CREB5: variants seen among roughly 807,000 people sequenced by gnomAD.
CREB5 encodes the protein cyclic AMP-responsive element-binding protein 5.
A neutral mutation model predicts 57.1 loss-of-function variants in CREB5; 19 were observed. That is an observed-to-expected ratio of 0.33 (90% CI 0.23 to 0.49). The LOEUF is 0.49. CREB5 is among the 20% of genes least tolerant of loss of function. The pLI is 0.99. For missense variants in CREB5, 579 were observed against 671.6 expected, an observed-to-expected ratio of 0.86 and a Z score of 1.52; for synonymous variants, 238 against 238.3, an observed-to-expected ratio of 1.00 and a Z score of 0.01.
At chr7:28,748,692 CAGAT>C (rs58837471) in intron 7 of CREB5, among the ~76,000 whole-genome samples, 6,064 of 152,244 alleles carry the variant, frequency 0.04, 173 homozygotes, top group Middle Eastern at 0.068. Flanking sequence ...AGCCTCTACT[CAGAT>C]AGATTTGAGT....
At chr7:28,478,735 A>G (rs1177644684) in intron 1 of CREB5, among the ~76,000 whole-genome samples, 1 of 152,202 alleles carries the variant, frequency 6.6e-6, no homozygotes, top group African/African-American at 2.4e-5. Context: ...TTGAGTCAAC[A>G]CTGCTGTAGA....
chr7:28,492,791 G>C (rs1438162057), intron 2 of CREB5, among the ~76,000 whole-genome samples: 1 of 149,844 alleles, frequency 6.7e-6, no homozygotes, highest in Non-Finnish European at 1.5e-5. Flanking sequence ...GTATATTTGT[G>C]TTATATACGC....
intron 1 of CREB5, among the ~76,000 whole-genome samples, chr7:28,393,525 A>C (rs61055914): frequency 0.058 from 8,905 of 152,224 alleles, 808 homozygotes; most frequent in African/African-American, 0.19. Flanking sequence ...TTGTGGTGAA[A>C]ATTCAGGTCA....
intron 1 of CREB5, among the ~76,000 whole-genome samples, chr7:28,364,289 G>A (rs1786546084): frequency 6.6e-6 from 1 of 152,202 alleles, no homozygotes; most frequent in South Asian, 2.1e-4. Context: ...CCCTGGTGGT[G>A]ACATACCCAA....
chr7:28,517,793 A>C (rs1368143635), intron 4 of CREB5, among the ~76,000 whole-genome samples: 1 of 150,894 alleles, frequency 6.6e-6, no homozygotes, highest in Non-Finnish European at 1.5e-5. Flanking sequence ...GCTATTGTTC[A>C]GTTTGTTAGA....
intron 1 of CREB5, among the ~76,000 whole-genome samples, chr7:28,423,532 A>G (rs984995696): frequency 6.6e-6 from 1 of 152,146 alleles, no homozygotes; most frequent in Non-Finnish European, 1.5e-5. Flanking sequence ...AGGCAAGAGC[A>G]GTATGACTTG....
chr7:28,450,773 A>T (rs1041077575), intron 1 of CREB5, among the ~76,000 whole-genome samples: 1 of 152,330 alleles, frequency 6.6e-6, no homozygotes, highest in East Asian at 1.9e-4. Context: ...GGATTATAAC[A>T]TATATTCTCT....
intron 1 of CREB5, among the ~76,000 whole-genome samples, chr7:28,324,101 C>T (rs960856339): frequency 3.9e-5 from 6 of 152,186 alleles, no homozygotes; most frequent in Admixed American, 2.0e-4. Context: ...GCTCACCTCA[C>T]GCTGTGCGGT....
intron 1 of CREB5, among the ~76,000 whole-genome samples, chr7:28,335,323 A>G (rs1583685250): frequency 6.6e-6 from 1 of 152,270 alleles, no homozygotes; most frequent in African/African-American, 2.4e-5. Context: ...CTTCCAACAC[A>G]TGAACATGAA....
chr7:28,665,418 T>C (rs1448679566), intron 5 of CREB5, among the ~76,000 whole-genome samples: 1 of 152,184 alleles, frequency 6.6e-6, no homozygotes, highest in African/African-American at 2.4e-5. Context: ...AAATTGCTAA[T>C]AAAACATAAA....
intron 4 of CREB5, among the ~76,000 whole-genome samples, chr7:28,549,709 T>A (rs539250603): frequency 1.3e-5 from 2 of 152,330 alleles, no homozygotes; most frequent in South Asian, 4.1e-4. Flanking sequence ...GTTTTTTTTT[T>A]AACATCCTGT....
upstream of CREB5, chr7:28,409,289 G>T (rs1787668346): frequency 6.6e-6 from 1 of 152,402 alleles, no homozygotes; most frequent in African/African-American, 2.4e-5. This position sits in a 1 kb window ranked among gnomAD's most constrained non-coding sequence, Gnocchi z 4.4. Flanking sequence ...CAATGATTTA[G>T]AAGTTCAGGA....
At chr7:28,729,158 G>T (rs1247243997) in intron 7 of CREB5, among the ~76,000 whole-genome samples, 2 of 152,122 alleles carry the variant, frequency 1.3e-5, no homozygotes, top group African/African-American at 4.8e-5. Context: ...GAAAGACAAG[G>T]CATCTTAGAA....
intron 1 of CREB5, among the ~76,000 whole-genome samples, chr7:28,359,957 A>G (rs1197675796): frequency 1.3e-5 from 2 of 152,256 alleles, no homozygotes; most frequent in Non-Finnish European, 2.9e-5. Flanking sequence ...CAAATAGCCA[A>G]CAGATATATG....
chr7:28,515,534 G>C (rs564601945), intron 4 of CREB5, among the ~76,000 whole-genome samples: 1 of 152,014 alleles, frequency 6.6e-6, no homozygotes, highest in African/African-American at 2.4e-5. Context: ...TCAACATGCC[G>C]GAAACCATAC....
intron 1 of CREB5, among the ~76,000 whole-genome samples, chr7:28,401,604 A>G (rs1427166309): frequency 1.3e-5 from 2 of 151,842 alleles, no homozygotes; most frequent in Non-Finnish European, 1.5e-5. Flanking sequence ...GATGTTCCCC[A>G]TCCTGTGTCC....
chr7:28,638,026 C>T (rs1041000214), intron 5 of CREB5, among the ~76,000 whole-genome samples: 3 of 152,042 alleles, frequency 2.0e-5, no homozygotes, highest in East Asian at 3.9e-4. Context: ...TCATTAGCCT[C>T]GTTAGCTACA....
At chr7:28,671,360 GCTTT>G (rs1423018126) in intron 5 of CREB5, among the ~76,000 whole-genome samples, 1 of 151,984 alleles carries the variant, frequency 6.6e-6, no homozygotes, top group East Asian at 1.9e-4. Context: ...TACGTTTCCT[GCTTT>G]CTATGATCTC....
chr7:28,432,163 C>T (rs146738351), intron 1 of CREB5, among the ~76,000 whole-genome samples: 16 of 152,110 alleles, frequency 1.1e-4, no homozygotes, highest in Middle Eastern at 3.4e-3. Flanking sequence ...GTGTTTTATA[C>T]GGAGTTGGAG....
Sources: gnomAD v4.1 joint callset for allele counts (sites outside exome capture counted in the v4.1 genomes callset) on GRCh38, gnomAD v4.1.1 for gene constraint, Gnocchi (gnomAD v3.1) non-coding constraint, MANE v1.5 for transcripts, NCBI Gene and HGNC (gene_info 2026-07-23, HGNC 2026-07-21) for gene names.